Variants in RAP1GAP observed in about 807,000 individuals in gnomAD.
RAP1GAP encodes the protein RAP1 GTPase activating protein.
A neutral mutation model predicts 87.2 loss-of-function variants in RAP1GAP; 35 were observed. The observed-to-expected ratio is 0.40, with a 90% confidence interval of 0.31 to 0.53. The LOEUF is 0.53. RAP1GAP is among the 20% of genes least tolerant of loss of function. The probability of loss-of-function intolerance (pLI) is 0.48; values close to 1 mark genes in which losing one functional copy is unlikely to be tolerated. For synonymous variants in RAP1GAP, 375 were observed against 363.9 expected (o/e 1.03, Z -0.35); for missense variants, 734 against 898.9 (o/e 0.82, Z 2.35).
Position 21,611,516 on chromosome 1 carries a change from C to A in RAP1GAP, c.779G>T (p.Arg260Leu). The change falls in exon 13 of 25, where the codon CGC (arginine) becomes CTC (leucine). Residue 260 changes from arginine (R) to leucine (L), a missense_variant. Around this residue, in one of 2 missense-constraint regions of RAP1GAP, gnomAD observed 485 missense variants for 646.2 expected, o/e 0.75. Transcript: ENST00000374765. ...TGTESVYCNF[R>L]NKEIMFHVST... is the part of the protein sequence containing the mutation. ...CACGTGAAACATGATCTCCTTGTTG[C>A]GGAAGTTGCAGTACACAGATTCGGT... The A allele has an allele frequency of 6.2e-7, 1 of 1,614,148 alleles. No homozygotes were observed. Among genetic ancestry groups the A allele is most frequent in the Non-Finnish European group, 8.5e-7 (1 of 1,180,032 alleles).
At chr1:21,656,516 T>C (rs2096873873) in intron 1 of RAP1GAP, among the ~76,000 whole-genome samples, 1 of 151,726 alleles carries the variant, frequency 6.6e-6, no homozygotes, top group Admixed American at 6.6e-5. Context: ...AAAGTATCAT[T>C]ATCCTTACTT....
At chr1:21,635,040 TGCTAA>T (rs2094456840) in intron 2 of RAP1GAP, among the ~76,000 whole-genome samples, 1 of 152,210 alleles carries the variant, frequency 6.6e-6, no homozygotes, top group Non-Finnish European at 1.5e-5. Flanking sequence ...AGAGCAGTAA[TGCTAA>T]TCTCCATTCT....
intron 1 of RAP1GAP, chr1:21,652,020 C>T (rs1338875826): frequency 1.3e-5 from 3 of 228,898 alleles, no homozygotes; most frequent in Non-Finnish European, 2.2e-5. Context: ...CTGGGCCGGC[C>T]GGGCGGGGGC....
At chr1:21,631,700 A>C (rs1313275691) in intron 2 of RAP1GAP, among the ~76,000 whole-genome samples, 1 of 152,020 alleles carries the variant, frequency 6.6e-6, no homozygotes, top group East Asian at 1.9e-4. Flanking sequence ...AAACAAAAAC[A>C]AAAACAAAAA....
intron 1 of RAP1GAP, chr1:21,651,607 G>A (rs1453259729): frequency 1.4e-6 from 1 of 711,366 alleles, no homozygotes; most frequent in South Asian, 1.4e-5. Context: ...CACACACACA[G>A]GCGCCACAGC....
At chr1:21,643,556 CAAAAAAAAAA>C (rs58359978) in intron 2 of RAP1GAP, among the ~76,000 whole-genome samples, 1 of 66,484 alleles carries the variant, frequency 1.5e-5, no homozygotes, top group Admixed American at 1.6e-4. Context: ...GACTCCGTCT[CAAAAAAAAAA>C]AAAAAAAAAG....
intron 24 of RAP1GAP, 22 bp from the exon 25 acceptor site, chr1:21,597,286 A>C (rs901127346): frequency 1.1e-5 from 2 of 183,270 alleles, no homozygotes; most frequent in African/African-American, 4.7e-5. Flanking sequence ...AGGGGGATGG[A>C]GACACCATGA....
rs544115374 is a variant in RAP1GAP at position 21,659,022 on chromosome 1, C to G, written c.-148-9226G>C. Among the ~76,000 whole-genome samples, 13 of 151,352 alleles carry G rather than the reference C, an allele frequency of 8.6e-5. No homozygotes were observed. The East Asian group carries it at 2.5e-3, about 30-fold the overall frequency. ...TGGCGCGATCTCGGCTCACCGCAAC[C>G]TCCACCTCAGTAGCTGGGATTACAG... On this transcript the variant is annotated intron_variant, in intron 1 of 24. Transcript: ENST00000374765.
At position 21,598,948 on chromosome 1, in the gene RAP1GAP, T is replaced by C. The variant is rs916299564; in HGVS notation, c.1777-446A>G. ...CAAGGAACAGGGGCCCACTGATGGTTTGCAGAATGAAGAATGATAAAGGGT... is the reference window on the plus strand; with the variant it reads ...CAAGGAACAGGGGCCCACTGATGGTCTGCAGAATGAAGAATGATAAAGGGT... On this transcript the variant is annotated intron_variant, in intron 21 of 24. Coordinates refer to ENST00000374765, the MANE Select transcript of RAP1GAP (RefSeq NM_002885.4). 7.2e-5 allele frequency among the ~76,000 whole-genome samples: 11 copies of C among 152,246 alleles called. No individual in the cohort carries two copies. In the East Asian group the frequency reaches 9.6e-4, roughly 13 times the overall value.
intron 2 of RAP1GAP, among the ~76,000 whole-genome samples, chr1:21,628,223 G>A (rs1157435686): frequency 1.3e-5 from 2 of 152,144 alleles, no homozygotes; most frequent in African/African-American, 4.8e-5. Context: ...AGAGTCTGGA[G>A]TGGGAGGGTG....
Position 21,603,710 on chromosome 1 carries a change from G to T in RAP1GAP, c.1429-797C>A. 2 of 1,058,444 alleles carry T rather than the reference G, an allele frequency of 1.9e-6. No homozygotes were observed. Among genetic ancestry groups the T allele is most frequent in the Non-Finnish European group, 2.9e-6 (2 of 682,602 alleles). 65.6% of individuals were successfully genotyped at this position (1,058,444 alleles called of 1,614,324 possible). A position where few individuals can be genotyped will look rare whatever the true frequency, so the allele number is the denominator to read the frequency against. ...ATCGGAGCTGCCGCCACTCCATCCCGCACGCCCTGGGGCCTGTCCCGGGGG... is the reference window on the plus strand; with the variant it reads ...ATCGGAGCTGCCGCCACTCCATCCCTCACGCCCTGGGGCCTGTCCCGGGGG... On this transcript the variant is annotated intron_variant, in intron 18 of 24. Transcript: ENST00000374765. The surrounding 1 kb of genome is among the most constrained non-coding windows in gnomAD (Gnocchi z 6.0).
intron 2 of RAP1GAP, among the ~76,000 whole-genome samples, chr1:21,637,115 G>T (rs1461672656): frequency 6.6e-6 from 1 of 151,470 alleles, no homozygotes; most frequent in Non-Finnish European, 1.5e-5. Flanking sequence ...GGACCTCAAG[G>T]TGCCTCCCAC....
At chr1:21,617,571 G>A in intron 6 of RAP1GAP, 80 bp from the exon 7 acceptor site, 1 of 1,459,300 alleles carries the variant, frequency 6.9e-7, no homozygotes. Context: ...CTCAGACCTG[G>A]AGCCGCTTCT....
Position 21,606,073 on chromosome 1 carries a change from G to A in RAP1GAP, c.1421C>T (p.Ala474Val). The A allele has an allele frequency of 6.3e-7, 1 of 1,582,002 alleles. No individual in the cohort carries two copies. The highest frequency in any genetic ancestry group is 8.6e-7 in the Non-Finnish European group (1 of 1,164,876). The change falls in exon 18 of 25, where the codon GCT becomes GTT. Residue 474 changes from alanine to valine, a missense_variant. Physicochemically the swap from Ala to Val is moderately conservative, Grantham distance 64. Around this residue, in one of 2 missense-constraint regions of RAP1GAP, gnomAD observed 485 missense variants for 646.2 expected, o/e 0.75. Coordinates refer to ENST00000374765, the MANE Select transcript of RAP1GAP (RefSeq NM_002885.4). The part of the protein sequence containing the change: ...APNNPDLAKA[A>V]GISLIVPGKS... ...GAGGGGGAGGGCACTCACTATTCCA[G>A]CCGCCTTGGCCAGGTCGGGGTTGTT...
At chr1:21,620,347 C>T (rs993095345) in intron 3 of RAP1GAP, among the ~76,000 whole-genome samples, 1 of 152,178 alleles carries the variant, frequency 6.6e-6, no homozygotes, top group African/African-American at 2.4e-5. Context: ...ACAGATCGTC[C>T]CCAAGTCCCA....
chr1:21,635,004 C>A (rs1015282798), intron 2 of RAP1GAP, among the ~76,000 whole-genome samples: 5 of 152,246 alleles, frequency 3.3e-5, no homozygotes, highest in African/African-American at 4.8e-5. Flanking sequence ...TGCCATCAAC[C>A]CTCTCAACAG....
chr1:21,662,507 C>G (rs2097187721), intron 1 of RAP1GAP, among the ~76,000 whole-genome samples: 1 of 152,090 alleles, frequency 6.6e-6, no homozygotes, highest in African/African-American at 2.4e-5. Context: ...AAAAGTTGTC[C>G]CCATTCATCC....
At position 21,619,707 on chromosome 1, in the gene RAP1GAP, G is replaced by T. The variant is rs181161892; in HGVS notation, c.18+308C>A. ...CTGGGCCCCCCACCACAAAGCCTGC[G>T]GTGTCTCTCACTGGGTGAGAGGCAG... On this transcript the variant is annotated intron_variant, in intron 4 of 24. Coordinates refer to ENST00000374765, the MANE Select transcript of RAP1GAP (RefSeq NM_002885.4). Among the ~76,000 whole-genome samples the T allele has an allele frequency of 5.3e-5, 8 of 152,024 alleles. No homozygotes were observed. The East Asian group carries it at 1.4e-3, about 26-fold the overall frequency.
At chr1:21,614,493 C>A (rs1280249669) in intron 7 of RAP1GAP, among the ~76,000 whole-genome samples, 1 of 152,194 alleles carries the variant, frequency 6.6e-6, no homozygotes, top group African/African-American at 2.4e-5. Context: ...CTTCTCAGGG[C>A]TGGGCACCCA....
Sources: gnomAD v4.1 joint callset for allele counts (sites outside exome capture counted in the v4.1 genomes callset) on GRCh38, gnomAD v4.1.1 for gene constraint, gnomAD v4.1.1 regional missense constraint, Gnocchi (gnomAD v3.1) non-coding constraint, MANE v1.5 for transcripts, NCBI Gene and HGNC (gene_info 2026-07-23, HGNC 2026-07-21) for gene names.